SPINK13: variants seen among roughly 807,000 people sequenced by gnomAD.
SPINK13 encodes serine peptidase inhibitor Kazal type 13.
Under a neutral mutation model 11.0 loss-of-function variants are expected in SPINK13, and 11 were observed. The observed-to-expected ratio is 1.00, with a 90% CI of 0.63 to 1.65. The LOEUF is 1.65. SPINK13 is among the 40% of genes most tolerant of loss of function. SPINK13 has a pLI of 0.00. For synonymous variants in SPINK13, 31 were observed against 35.6 expected (o/e 0.87, Z 0.46); for missense variants, 113 against 117.7 (o/e 0.96, Z 0.19).
At chr5:148,282,415 T>C (rs1435244300) in intron 4 of SPINK13, among the ~76,000 whole-genome samples, 184 bp downstream of exon 4, 1 of 152,180 alleles carries the variant, frequency 6.6e-6, no homozygotes, top group Non-Finnish European at 1.5e-5. Context: ...ATTTAGTTAG[T>C]ATTCAAAGTT....
chr5:148,275,664 T>A (rs1257318093), intron 3 of SPINK13, among the ~76,000 whole-genome samples: 2 of 151,426 alleles, frequency 1.3e-5, no homozygotes, highest in Non-Finnish European at 2.9e-5. Context: ...CTGACTTTTT[T>A]TCTTTTTTTT....
At chr5:148,269,233 T>G (rs1234083388) in intron 1 of SPINK13, among the ~76,000 whole-genome samples, 5 of 152,208 alleles carry the variant, frequency 3.3e-5, no homozygotes, top group African/African-American at 1.2e-4. Flanking sequence ...ACTCTACTTA[T>G]ATTAATATCA....
At chr5:148,284,869 A>G (rs1756568157) in intron 4 of SPINK13, among the ~76,000 whole-genome samples, 1 of 152,228 alleles carries the variant, frequency 6.6e-6, no homozygotes, top group African/African-American at 2.4e-5. Flanking sequence ...TACTCAGCCT[A>G]GCACTCTGGT....
chr5:148,274,204 C>A (rs1287943452), intron 2 of SPINK13, 143 bp from the exon 3 acceptor site: 6 of 495,118 alleles, frequency 1.2e-5, no homozygotes, highest in Non-Finnish European at 2.1e-5. Context: ...AATGTTACTG[C>A]AAATTCTATT....
At position 148,275,297 on chromosome 5, in the gene SPINK13, C is replaced by T. The variant is rs187508219; in HGVS notation, c.108+913C>T. 1.9e-4 allele frequency among the ~76,000 whole-genome samples: 29 copies of T among 152,282 alleles called. No homozygotes were observed. In the East Asian group the frequency reaches 2.7e-3, roughly 14 times the overall value. On this transcript the variant is annotated intron_variant, in intron 3 of 4. Transcript: ENST00000398450. ...ATGGTTTCCAGCTTCATACATGTCC[C>T]TGCAAAGGACATGAACTCATTCTTT...
intron 2 of SPINK13, among the ~76,000 whole-genome samples, chr5:148,273,959 C>A (rs1394199126): frequency 6.6e-6 from 1 of 152,080 alleles, no homozygotes; most frequent in African/African-American, 2.4e-5. Flanking sequence ...TAGGAACTGG[C>A]CTGATACATT....
At chr5:148,279,807 C>T (rs1319926111) in intron 3 of SPINK13, among the ~76,000 whole-genome samples, 5 of 152,016 alleles carry the variant, frequency 3.3e-5, no homozygotes, top group African/African-American at 1.2e-4. Context: ...TCTGTTTATC[C>T]CAAATTTGAA....
At chr5:148,269,479 C>G (rs1167268308) in intron 1 of SPINK13, among the ~76,000 whole-genome samples, 1 of 151,874 alleles carries the variant, frequency 6.6e-6, no homozygotes, top group East Asian at 1.9e-4. Context: ...TTAACCCATT[C>G]TTTATATTTG....
chr5:148,276,081 C>T (rs1227642858), intron 3 of SPINK13, among the ~76,000 whole-genome samples: 1 of 152,168 alleles, frequency 6.6e-6, no homozygotes, highest in East Asian at 1.9e-4. Flanking sequence ...TGTTTGTTGG[C>T]TGCATAAATA....
chr5:148,274,324 C>A, intron 2 of SPINK13, 23 bp from the exon 3 acceptor site: 1 of 1,594,264 alleles, frequency 6.3e-7, no homozygotes, highest in Non-Finnish European at 8.6e-7. Context: ...CTTTAACTTA[C>A]TGTGTTTATT....
intron 1 of SPINK13, among the ~76,000 whole-genome samples, chr5:148,269,158 C>T (rs976146554): frequency 1.3e-5 from 2 of 152,130 alleles, no homozygotes; most frequent in Non-Finnish European, 2.9e-5. Flanking sequence ...TCTCCCTGGG[C>T]CTAAATATTT....
At chr5:148,276,912 G>A (rs1203207925) in intron 3 of SPINK13, among the ~76,000 whole-genome samples, 1 of 152,158 alleles carries the variant, frequency 6.6e-6, no homozygotes, top group Non-Finnish European at 1.5e-5. Context: ...CCATGAGTAT[G>A]GGATGTTTTT....
intron 4 of SPINK13, among the ~76,000 whole-genome samples, chr5:148,285,034 T>C (rs755182656): frequency 3.2e-4 from 48 of 152,190 alleles, no homozygotes; most frequent in Non-Finnish European, 6.5e-4. Flanking sequence ...TTAATACGTT[T>C]TGAAATCATT....
At chr5:148,270,003 T>TG in intron 1 of SPINK13, 37 bp from the exon 2 acceptor site, 1 of 1,458,486 alleles carries the variant, frequency 6.9e-7, no homozygotes, top group Non-Finnish European at 9.6e-7. Context: ...AAGCTAGCTG[T>TG]GGGGGAAACT....
intron 4 of SPINK13, among the ~76,000 whole-genome samples, chr5:148,282,715 G>A (rs1756537022): frequency 6.6e-6 from 1 of 152,140 alleles, no homozygotes; most frequent in Non-Finnish European, 1.5e-5. Flanking sequence ...GCAAAGGGTG[G>A]TCTTACATGC....
At position 148,282,090 on chromosome 5, in the gene SPINK13, T is replaced by G; in HGVS notation, c.109-14T>G. ...GTGTATTATTTGTCACTTTATGGTGTCATGTATTTGCAGCCCCGATGTAAA... is the reference window on the plus strand; with the variant it reads ...GTGTATTATTTGTCACTTTATGGTGGCATGTATTTGCAGCCCCGATGTAAA... On this transcript the variant is annotated splice_polypyrimidine_tract_variant and intron_variant, in intron 3 of 4. Transcript: ENST00000398450. 11 of 1,613,864 alleles carry G rather than the reference T, an allele frequency of 6.8e-6. No individual in the cohort carries two copies. The highest frequency in any genetic ancestry group is 9.3e-6 in the Non-Finnish European group (11 of 1,179,796).
intron 3 of SPINK13, 50 bp downstream of exon 3, chr5:148,274,434 T>C (rs566732245): frequency 1.4e-6 from 2 of 1,468,008 alleles, no homozygotes; most frequent in South Asian, 2.3e-5. Flanking sequence ...CTAATCACTC[T>C]CCAGACATGA....
At chr5:148,282,675 T>C (rs1313103458) in intron 4 of SPINK13, among the ~76,000 whole-genome samples, 1 of 152,166 alleles carries the variant, frequency 6.6e-6, no homozygotes, top group African/African-American at 2.4e-5. Context: ...CGTATAAACA[T>C]AGATGCAGGT....
intron 1 of SPINK13, 121 bp from the exon 2 acceptor site, chr5:148,269,919 G>A (rs1301423238): frequency 3.5e-6 from 2 of 563,930 alleles, no homozygotes; most frequent in South Asian, 4.8e-5. Context: ...CTGGAGACCA[G>A]GTCAGTATAA....
Sources: gnomAD v4.1 joint callset for allele counts (sites outside exome capture counted in the v4.1 genomes callset) on GRCh38, gnomAD v4.1.1 for gene constraint, MANE v1.5 for transcripts, NCBI Gene and HGNC (gene_info 2026-07-23, HGNC 2026-07-21) for gene names.